FCHO2: variants seen among roughly 807,000 people sequenced by gnomAD.
FCHO2 encodes FCH and mu domain containing endocytic adaptor 2, also known as F-BAR domain only protein 2.
A neutral mutation model predicts 114.1 loss-of-function variants in FCHO2; 43 were observed. The ratio of observed to expected loss-of-function variants is 0.38; its 90% CI spans 0.30 to 0.49. The LOEUF is 0.49. Among genes scored for constraint, FCHO2 ranks in the 20% least tolerant of loss-of-function variants. The probability of loss-of-function intolerance (pLI) is 0.97; values close to 1 mark genes in which losing one functional copy is unlikely to be tolerated. For missense variants in FCHO2, 807 were observed against 950.4 expected, an observed-to-expected ratio of 0.85 and a Z score of 1.98; for synonymous variants, 293 against 315.2, an observed-to-expected ratio of 0.93 and a Z score of 0.75.
chr5:72,963,633 T>C (rs1033573484), intron 1 of FCHO2, among the ~76,000 whole-genome samples: 1 of 152,052 alleles, frequency 6.6e-6, no homozygotes, highest in Non-Finnish European at 1.5e-5. Flanking sequence ...ACTGCAGCCT[T>C]GAACTCCTGG....
intron 17 of FCHO2, 87 bp from the exon 18 acceptor site, chr5:73,063,753 CA>C: frequency 8.1e-7 from 1 of 1,234,194 alleles, no homozygotes; most frequent in Admixed American, 2.1e-5. Flanking sequence ...CTTTGATTAC[CA>C]AAAGTTTCTT....
chr5:73,076,205 A>G (rs752868273), intron 20 of FCHO2, among the ~76,000 whole-genome samples: 4 of 152,190 alleles, frequency 2.6e-5, no homozygotes, highest in African/African-American at 9.6e-5. Context: ...AAAATTGACC[A>G]TTGACAATAA....
At chr5:73,050,935 T>C (rs1208289076) in intron 11 of FCHO2, among the ~76,000 whole-genome samples, 2 of 152,240 alleles carry the variant, frequency 1.3e-5, no homozygotes, top group Non-Finnish European at 2.9e-5. Flanking sequence ...AGGTGCTAGA[T>C]CTTATATTTC....
chr5:72,972,811 C>A (rs1436452251), intron 2 of FCHO2, among the ~76,000 whole-genome samples: 3 of 152,024 alleles, frequency 2.0e-5, no homozygotes, highest in African/African-American at 7.2e-5. Context: ...CAGTTTTTGC[C>A]CATTCAGTAT....
chr5:73,025,312 G>A (rs950760110), intron 8 of FCHO2, among the ~76,000 whole-genome samples: 1 of 150,240 alleles, frequency 6.7e-6, no homozygotes, highest in Non-Finnish European at 1.5e-5. Flanking sequence ...GAGTTCAAGC[G>A]ATTCTACTGC....
At chr5:72,956,153 G>A in intron 1 of FCHO2, 24 bp downstream of exon 1, 1 of 1,532,866 alleles carries the variant, frequency 6.5e-7, no homozygotes, top group Middle Eastern at 1.7e-4. Context: ...GTTGGAAGTC[G>A]TGTGTTTCGA....
intron 20 of FCHO2, among the ~76,000 whole-genome samples, chr5:73,075,953 A>T (rs1742890128): frequency 6.6e-6 from 1 of 152,136 alleles, no homozygotes; most frequent in Non-Finnish European, 1.5e-5. Flanking sequence ...TAGTTTGTAG[A>T]TAATACTCAA....
chr5:73,065,346 C>T (rs1051624563), intron 18 of FCHO2, among the ~76,000 whole-genome samples: 5 of 151,530 alleles, frequency 3.3e-5, no homozygotes, highest in South Asian at 4.2e-4. Flanking sequence ...ATTTGGAAAA[C>T]AGAGAAAGCA....
intron 5 of FCHO2, among the ~76,000 whole-genome samples, chr5:73,002,069 A>G (rs1754473967): frequency 6.6e-6 from 1 of 152,238 alleles, no homozygotes; most frequent in Non-Finnish European, 1.5e-5. Context: ...ATTTAGATCC[A>G]GCCGTTAACC....
chr5:72,961,625 G>T (rs557345100), intron 1 of FCHO2, among the ~76,000 whole-genome samples: 1 of 149,680 alleles, frequency 6.7e-6, no homozygotes, highest in African/African-American at 2.5e-5. Flanking sequence ...ACGGAGTTTC[G>T]CTCTTGTTGC....
At chr5:72,974,953 T>A (rs181332278) in intron 2 of FCHO2, among the ~76,000 whole-genome samples, 1 of 152,288 alleles carries the variant, frequency 6.6e-6, no homozygotes, top group Non-Finnish European at 1.5e-5. Flanking sequence ...TATTTCTCCT[T>A]CACTTATGAA....
At chr5:73,006,163 A>G (rs1201218902) in intron 5 of FCHO2, among the ~76,000 whole-genome samples, 2 of 152,194 alleles carry the variant, frequency 1.3e-5, no homozygotes, top group African/African-American at 2.4e-5. Flanking sequence ...TAATGTAATT[A>G]TGCAATCTTA....
intron 19 of FCHO2, among the ~76,000 whole-genome samples, chr5:73,073,112 C>CT (rs2112882828): frequency 6.6e-6 from 1 of 152,032 alleles, no homozygotes; most frequent in South Asian, 2.1e-4. Flanking sequence ...ACTTAATCAG[C>CT]TTTTTTTCAC....
At chr5:73,048,372 G>A (rs1757166293) in intron 11 of FCHO2, among the ~76,000 whole-genome samples, 1 of 152,040 alleles carries the variant, frequency 6.6e-6, no homozygotes, top group South Asian at 2.1e-4. Flanking sequence ...ATCACTGCAG[G>A]AGGTGGAGGT....
chr5:73,026,387 T>C (rs957489476), intron 8 of FCHO2, among the ~76,000 whole-genome samples: 2 of 151,992 alleles, frequency 1.3e-5, no homozygotes, highest in Non-Finnish European at 2.9e-5. Flanking sequence ...GGAGAATTGC[T>C]TGAACCTGGG....
chr5:73,023,456 C>G (rs1370359531), intron 8 of FCHO2, among the ~76,000 whole-genome samples: 1 of 152,082 alleles, frequency 6.6e-6, no homozygotes, highest in African/African-American at 2.4e-5. Context: ...AATCCCAGCA[C>G]TTTGGGAGGC....
At chr5:73,009,004 TAG>T (rs1269987343) in intron 6 of FCHO2, among the ~76,000 whole-genome samples, 1 of 152,222 alleles carries the variant, frequency 6.6e-6, no homozygotes, top group Admixed American at 6.5e-5. Flanking sequence ...ACAGCACTTT[TAG>T]AGTGTGGGGA....
chr5:73,028,765 T>G (rs947540292), intron 8 of FCHO2, among the ~76,000 whole-genome samples: 2 of 151,156 alleles, frequency 1.3e-5, no homozygotes, highest in African/African-American at 4.9e-5. Context: ...ATTCTCCTGC[T>G]TCAGCCTCCC....
Position 73,052,473 on chromosome 5 carries a change from C to G in FCHO2, c.1139C>G (p.Ser380Cys), listed in dbSNP as rs775903418. The change falls in exon 13 of 26, where the codon TCT becomes TGT. Residue 380 changes from serine (S) to cysteine (C), a missense_variant. Physicochemically the swap from Ser to Cys is moderately radical, Grantham distance 112. Transcript: ENST00000430046. ...GCTTCTTTGGATGAATTAAAAGTAT[C>G]TATAGGGAATATAACACTCTCCCCA... The part of the protein sequence containing the change: ...TMASLDELKV[S>C]IGNITLSPAI... The G allele has an allele frequency of 6.3e-7, 1 of 1,596,060 alleles. No homozygotes were observed. Among genetic ancestry groups the G allele is most frequent in the South Asian group, 1.1e-5 (1 of 87,932 alleles).
Sources: gnomAD v4.1 joint callset for allele counts (sites outside exome capture counted in the v4.1 genomes callset) on GRCh38, gnomAD v4.1.1 for gene constraint, MANE v1.5 for transcripts, NCBI Gene and HGNC (gene_info 2026-07-23, HGNC 2026-07-21) for gene names.